OSBPL3: variants seen among roughly 807,000 people sequenced by gnomAD.
OSBPL3 encodes oxysterol binding protein like 3, also known as oxysterol-binding protein-related protein 3.
A neutral mutation model predicts 120.1 loss-of-function variants in OSBPL3; 65 were observed. The ratio of observed to expected loss-of-function variants is 0.54; its 90% CI spans 0.44 to 0.67. The LOEUF (loss-of-function observed/expected upper bound fraction) is 0.67. OSBPL3 is among the 30% of genes least tolerant of loss of function. OSBPL3 has a pLI of 0.00. For synonymous variants in OSBPL3, 416 were observed against 402.6 expected (o/e 1.03, Z -0.40); for missense variants, 1,004 against 1,082.1 (o/e 0.93, Z 1.01).
At chr7:24,942,156 C>CT (rs770814036) in intron 1 of OSBPL3, among the ~76,000 whole-genome samples, 1,613 of 145,102 alleles carry the variant, frequency 0.011, 31 homozygotes, top group African/African-American at 0.037. Context: ...TCTCAAGATG[C>CT]TTTTTTTTTT....
rs1398285209 is a variant in OSBPL3 at position 24,940,279 on chromosome 7, A to G, written c.-150+39607T>C. 1.3e-5 allele frequency among the ~76,000 whole-genome samples: 2 copies of G among 152,242 alleles called. No individual in the cohort carries two copies. The highest frequency in any genetic ancestry group is 1.5e-5 in the Non-Finnish European group (1 of 68,036). On this transcript the variant is annotated intron_variant, in intron 1 of 22. Transcript: ENST00000313367. This position sits in a 1 kb window ranked among gnomAD's most constrained non-coding sequence, Gnocchi z 4.4. The stretch of plus-strand genomic sequence containing the variant: ...AGCCAATAAGCAGAGTGGTAAACTG[A>G]GTACAAAGACAGAAGAAGTGGACTG...
chr7:24,820,668 C>T lies in OSBPL3; in HGVS notation c.1885-430G>A, dbSNP rs959603213. On this transcript the variant is annotated intron_variant, in intron 16 of 22. Coordinates refer to ENST00000313367, the MANE Select transcript of OSBPL3 (RefSeq NM_015550.4). The surrounding 1 kb of genome is among the most constrained non-coding windows in gnomAD (Gnocchi z 4.6). ...ATGTTTTAATTAAGATATCAAATAACAAGTATTTTAAATGCAACCCAAAAT... is the reference window on the plus strand; with the variant it reads ...ATGTTTTAATTAAGATATCAAATAATAAGTATTTTAAATGCAACCCAAAAT... Among the ~76,000 whole-genome samples the T allele has an allele frequency of 6.6e-6, 1 of 152,154 alleles. No individual in the cohort carries two copies. The highest frequency in any genetic ancestry group is 2.1e-4 in the South Asian group (1 of 4,820).
rs1190652256 is a variant in OSBPL3, at chr7:24,828,606, G to GAAAAA, written c.1884+2157_1884+2161dup. Among the ~76,000 whole-genome samples the GAAAAA allele has an allele frequency of 7.1e-4, 23 of 32,546 alleles. 1 individual carries two copies. The highest frequency in any genetic ancestry group is 1.1e-3 in the Non-Finnish European group (20 of 19,038). 21.4% of individuals were successfully genotyped at this position (32,546 alleles called of 152,430 possible). A position where few individuals can be genotyped will look rare whatever the true frequency, so the allele number is the denominator to read the frequency against. On this transcript the variant is annotated intron_variant, in intron 16 of 22. Coordinates refer to ENST00000313367, the MANE Select transcript of OSBPL3 (RefSeq NM_015550.4). ...TGGGCGACAAAGTGAGACTCTGTCT[G>GAAAAA]AAAAAAAAAAAAAAAGAAAAAAAAA... is the stretch of plus-strand genomic sequence containing the variant.
chr7:24,954,687 A>G (rs1020715504), intron 1 of OSBPL3, among the ~76,000 whole-genome samples: 1 of 152,232 alleles, frequency 6.6e-6, no homozygotes, highest in African/African-American at 2.4e-5. Context: ...CAGTACGTTG[A>G]AAAGAATTAA....
rs749641640 is a variant in OSBPL3 at position 24,955,950 on chromosome 7, G to A, written c.-150+23936C>T. Among the ~76,000 whole-genome samples the A allele has an allele frequency of 6.6e-5, 10 of 152,244 alleles. No individual in the cohort carries two copies. Among genetic ancestry groups the A allele is most frequent in the Non-Finnish European group, 1.5e-4 (10 of 68,042 alleles). ...ACTCAAACTAGTTCTTGGTCCTGCT[G>A]AGGAAACCCTATGAGTTTCTCATTT... On this transcript the variant is annotated intron_variant, in intron 1 of 22. Transcript: ENST00000313367. This position sits in a 1 kb window ranked among gnomAD's most constrained non-coding sequence, Gnocchi z 4.3.
chr7:24,837,697 C>G (rs970236399), intron 14 of OSBPL3, among the ~76,000 whole-genome samples: 1 of 152,200 alleles, frequency 6.6e-6, no homozygotes, highest in Non-Finnish European at 1.5e-5. Flanking sequence ...TCCTACTTAT[C>G]CTATGTAACT....
chr7:24,800,362 T>TG, intron 22 of OSBPL3, 83 bp from the exon 23 acceptor site: 1 of 765,202 alleles, frequency 1.3e-6, no homozygotes, highest in Non-Finnish European at 2.2e-6. Flanking sequence ...ACCTCCCTGC[T>TG]TTCCCCATCC....
chr7:24,810,773 G>A (rs1265890839), intron 19 of OSBPL3, among the ~76,000 whole-genome samples: 1 of 152,146 alleles, frequency 6.6e-6, no homozygotes, highest in East Asian at 1.9e-4. Flanking sequence ...CCAAATATAA[G>A]TAAGATTATG....
Position 24,861,694 on chromosome 7 carries a change from C to G in OSBPL3, c.946G>C (p.Glu316Gln). The G allele has an allele frequency of 6.2e-7, 1 of 1,612,250 alleles. No individual in the cohort carries two copies. Among genetic ancestry groups the G allele is most frequent in the African/African-American group, 1.3e-5 (1 of 74,958 alleles). ...TCAGAGCCATCAGAATAATTTTTCT[C>G]TTCTCCAAAATCTAGTGTTGACAAA... ...PNLSTLDFGE[E>Q]KNYSDGSETS... is the part of the protein sequence containing the mutation. The change falls in exon 10 of 23, where the codon GAG (glutamate) becomes CAG (glutamine). Residue 316 changes from glutamate to glutamine, a missense_variant. Physicochemically the swap from Glu to Gln is conservative, Grantham distance 29 (BLOSUM62 2). This residue lies in a region of OSBPL3 where 272 missense variants were observed against 248.8 expected (regional missense o/e 1.09). Transcript: ENST00000313367.
At position 24,899,193 on chromosome 7, in the gene OSBPL3, C is replaced by T. The variant is rs1224489150; in HGVS notation, c.-149-6572G>A. Reference sequence around the variant, plus strand: ...TGATCACCCTTCAATTTGTGCTTCTCTAACAGTGATGCCCAGATTTAAAGA... The same window carrying T: ...TGATCACCCTTCAATTTGTGCTTCTTTAACAGTGATGCCCAGATTTAAAGA... On this transcript the variant is annotated intron_variant, in intron 1 of 22. Coordinates refer to ENST00000313367, the MANE Select transcript of OSBPL3 (RefSeq NM_015550.4). This position sits in a 1 kb window ranked among gnomAD's most constrained non-coding sequence, Gnocchi z 4.0. Among the ~76,000 whole-genome samples the T allele has an allele frequency of 2.0e-5, 3 of 152,162 alleles. No individual in the cohort carries two copies. Among genetic ancestry groups the T allele is most frequent in the Non-Finnish European group, 4.4e-5 (3 of 68,042 alleles).
chr7:24,962,465 GA>G, intron 1 of OSBPL3, among the ~76,000 whole-genome samples: 1 of 149,860 alleles, frequency 6.7e-6, no homozygotes, highest in African/African-American at 2.5e-5. Context: ...GAGGAGGAGA[GA>G]GGAGGAGAGA....
rs547139002 is a variant in OSBPL3, at chr7:24,938,874, AAAAG to A, written c.-150+41008_-150+41011del. ...TAATGTGGCCAAGAAAGAAAAAAAAAAAAGATTGTTATTAAGGAAAAAGTATATA... is the reference window on the plus strand; with the variant it reads ...TAATGTGGCCAAGAAAGAAAAAAAAAATTGTTATTAAGGAAAAAGTATATA... On this transcript the variant is annotated intron_variant, in intron 1 of 22. Coordinates refer to ENST00000313367, the MANE Select transcript of OSBPL3 (RefSeq NM_015550.4). The surrounding 1 kb of genome is among the most constrained non-coding windows in gnomAD (Gnocchi z 5.8). 2.0e-4 allele frequency among the ~76,000 whole-genome samples: 31 copies of A among 151,342 alleles called. No homozygotes were observed. The highest frequency in any genetic ancestry group is 6.6e-4 in the African/African-American group (27 of 41,118).
chr7:24,880,556 T>C lies in OSBPL3; in HGVS notation c.97-8487A>G, dbSNP rs987953953. Among the ~76,000 whole-genome samples, 16 of 152,238 alleles carry C rather than the reference T, an allele frequency of 1.1e-4. 1 individual carries two copies. Among genetic ancestry groups the C allele is most frequent in the Admixed American group, 9.2e-4 (14 of 15,288 alleles). ...GTGACTCAAGGGTCTCTTCTGAGTT[T>C]TTCTCTTGCCTTCAAAGTACACCAT... is the stretch of plus-strand genomic sequence containing the variant. On this transcript the variant is annotated intron_variant, in intron 2 of 22. Transcript: ENST00000313367.
rs1033767500 is a variant in OSBPL3 at position 24,916,440 on chromosome 7, T to G, written c.-149-23819A>C. On this transcript the variant is annotated intron_variant, in intron 1 of 22. Coordinates refer to ENST00000313367, the MANE Select transcript of OSBPL3 (RefSeq NM_015550.4). This position sits in a 1 kb window ranked among gnomAD's most constrained non-coding sequence, Gnocchi z 4.9. ...TTCTCCTTTGAACTTTTTTTTCTTT[T>G]GCCTAATTTTTTTTAATTAAGAAAA... is the stretch of plus-strand genomic sequence containing the variant. Among the ~76,000 whole-genome samples, 3 of 152,144 alleles carry G rather than the reference T, an allele frequency of 2.0e-5. No homozygotes were observed. The highest frequency in any genetic ancestry group is 2.9e-5 in the Non-Finnish European group (2 of 68,026).
At chr7:24,917,398 TA>T (rs1426356867) in intron 1 of OSBPL3, among the ~76,000 whole-genome samples, 18 of 46,962 alleles carry the variant, frequency 3.8e-4, no homozygotes, top group African/African-American at 1.7e-3. Flanking sequence ...TATATATTTG[TA>T]ACATATATAT....
chr7:24,897,651 G>T (rs958664016), intron 1 of OSBPL3, among the ~76,000 whole-genome samples: 2 of 152,172 alleles, frequency 1.3e-5, no homozygotes, highest in African/African-American at 4.8e-5. Context: ...AAACATGTGT[G>T]TCCTTCAACA....
At chr7:24,901,021 G>GAAGA (rs1806912354) in intron 1 of OSBPL3, among the ~76,000 whole-genome samples, 1 of 128,540 alleles carries the variant, frequency 7.8e-6, no homozygotes, top group Admixed American at 7.8e-5. Flanking sequence ...ACCTTGTCTC[G>GAAGA]AAAAAAAAAA....
chr7:24,904,980 T>C (rs951511648), intron 1 of OSBPL3, among the ~76,000 whole-genome samples: 1 of 145,436 alleles, frequency 6.9e-6, no homozygotes, highest in African/African-American at 2.6e-5. Context: ...TAAGAGGAAC[T>C]AGAACAGTGT....
Position 24,820,561 on chromosome 7 carries a change from G to C in OSBPL3, c.1885-323C>G, listed in dbSNP as rs1795004116. Among the ~76,000 whole-genome samples the C allele has an allele frequency of 6.6e-6, 1 of 152,120 alleles. No homozygotes were observed. The highest frequency in any genetic ancestry group is 6.5e-5 in the Admixed American group (1 of 15,278). On this transcript the variant is annotated intron_variant, in intron 16 of 22. Coordinates refer to ENST00000313367, the MANE Select transcript of OSBPL3 (RefSeq NM_015550.4). The surrounding 1 kb of genome is among the most constrained non-coding windows in gnomAD (Gnocchi z 4.6). ...TAAAAATAAAAACGGAGACATGTGAGGACTGCTCATCCATAACATATAATC... is the reference window on the plus strand; with the variant it reads ...TAAAAATAAAAACGGAGACATGTGACGACTGCTCATCCATAACATATAATC...
Sources: allele counts gnomAD v4.1 joint callset (sites outside exome capture counted in the v4.1 genomes callset), GRCh38; gene constraint gnomAD v4.1.1; regional missense constraint gnomAD v4.1.1; non-coding constraint Gnocchi (gnomAD v3.1); transcripts MANE v1.5; gene names NCBI Gene and HGNC (gene_info 2026-07-23, HGNC 2026-07-21).